HTR2C: variants seen among roughly 807,000 people sequenced by gnomAD.
HTR2C encodes 5-hydroxytryptamine receptor 2C, also known as 5-hydroxytryptamine (serotonin) receptor 2C, G protein-coupled.
HTR2C carries 5 observed loss-of-function variants against 21.0 expected under a neutral mutation model. The observed-to-expected ratio is 0.24, with a 90% CI of 0.12 to 0.50. The LOEUF (loss-of-function observed/expected upper bound fraction) is 0.50, where lower values mean the gene tolerates loss of function less well. Ranked by LOEUF, HTR2C falls within the 20% of genes least tolerant of loss-of-function variation. The pLI is 0.98. For synonymous variants in HTR2C, 150 were observed against 145.3 expected, an observed-to-expected ratio of 1.03 and a Z score of -0.23; for missense variants, 271 against 371.2, an observed-to-expected ratio of 0.73 and a Z score of 2.22.
chrX:114,595,810 CAA>C (rs34336299), intron 1 of HTR2C, among the ~76,000 whole-genome samples: 7 of 107,704 alleles, frequency 6.5e-5, no homozygotes, highest in Non-Finnish European at 9.6e-5. Flanking sequence ...GATTAAAACA[CAA>C]AAAAAAAATC....
chrX:114,871,229 A>G (rs782043205), intron 5 of HTR2C, among the ~76,000 whole-genome samples: 30 of 111,648 alleles, frequency 2.7e-4, no homozygotes, highest in African/African-American at 9.4e-4. Context: ...GTACTTGTAT[A>G]GTTTCCAAAA....
chrX:114,689,951 G>T (rs1556414896), intron 2 of HTR2C, among the ~76,000 whole-genome samples: 1 of 111,011 alleles, frequency 9.0e-6, no homozygotes, highest in African/African-American at 3.3e-5. Flanking sequence ...TCATTTTTTT[G>T]AACTCATTAT....
At chrX:114,733,296 A>G (rs944939437) in intron 4 of HTR2C, among the ~76,000 whole-genome samples, 3 of 109,302 alleles carry the variant, frequency 2.7e-5, no homozygotes, top group South Asian at 4.0e-4. Context: ...TGTAATCCCA[A>G]CTACTCGGGA....
intron 2 of HTR2C, among the ~76,000 whole-genome samples, chrX:114,694,503 ATT>A: frequency 2.3e-5 from 1 of 43,057 alleles, no homozygotes; most frequent in African/African-American, 8.1e-5. Context: ...ACACACACAG[ATT>A]TAGACAGAGT....
chrX:114,633,930 G>A (rs1232627484), intron 2 of HTR2C, among the ~76,000 whole-genome samples: 7 of 31,284 alleles, frequency 2.2e-4, no homozygotes, highest in Admixed American at 6.8e-4. Flanking sequence ...ATATATGCAT[G>A]TGTATATATA....
intron 2 of HTR2C, among the ~76,000 whole-genome samples, chrX:114,685,938 T>A (rs1452547410): frequency 4.5e-5 from 5 of 111,481 alleles, no homozygotes; most frequent in African/African-American, 9.8e-5. Flanking sequence ...TCAGTGAAGC[T>A]TTCATCATTA....
rs1382375750 is a variant in HTR2C, at chrX:114,807,196, A to ATATATACCATG, written c.350-40801_350-40800insCCATGTATATA. On this transcript the variant is annotated intron_variant, in intron 4 of 5. Coordinates refer to ENST00000276198, the MANE Select transcript of HTR2C (RefSeq NM_000868.4). ...TATACACCATGTATATATACACCAT[A>ATATATACCATG]TATATATACACCATATATATACCAT... 4.1e-4 allele frequency among the ~76,000 whole-genome samples: 2 copies of ATATATACCATG among 4,831 alleles called. 1 individual carries two copies. Among genetic ancestry groups the ATATATACCATG allele is most frequent in the Non-Finnish European group, 9.0e-4 (2 of 2,215 alleles). 4.2% of individuals were successfully genotyped at this position (4,831 alleles called of 115,157 possible). A position where few individuals can be genotyped will look rare whatever the true frequency, so the allele number is the denominator to read the frequency against.
intron 2 of HTR2C, among the ~76,000 whole-genome samples, chrX:114,614,230 T>C (rs1171262902): frequency 4.5e-5 from 5 of 110,783 alleles, no homozygotes; most frequent in Non-Finnish European, 7.6e-5. Flanking sequence ...TCTTCTTCAA[T>C]GACAAACTCT....
chrX:114,702,621 G>C (rs782316056), intron 2 of HTR2C, among the ~76,000 whole-genome samples: 1 of 111,572 alleles, frequency 9.0e-6, no homozygotes, highest in South Asian at 3.8e-4. Context: ...AAATTCTAAA[G>C]ACCATCGAGG....
At chrX:114,881,383 G>A (rs1314771009) in intron 5 of HTR2C, among the ~76,000 whole-genome samples, 1 of 110,081 alleles carries the variant, frequency 9.1e-6, no homozygotes, top group East Asian at 2.8e-4. Flanking sequence ...TGTGCTTTTA[G>A]TGTCATATTC....
At chrX:114,688,503 G>A (rs1331487042) in intron 2 of HTR2C, among the ~76,000 whole-genome samples, 1 of 110,937 alleles carries the variant, frequency 9.0e-6, no homozygotes, top group African/African-American at 3.3e-5. Flanking sequence ...TAATTTGTCA[G>A]GTTTAATAAG....
chrX:114,901,480 A>G (rs1337454601), intron 5 of HTR2C, among the ~76,000 whole-genome samples: 1 of 111,852 alleles, frequency 8.9e-6, no homozygotes, highest in Non-Finnish European at 1.9e-5. Flanking sequence ...TAGTTATAAT[A>G]GTGGTAACGT....
chrX:114,819,213 T>C (rs1423967142), intron 4 of HTR2C, among the ~76,000 whole-genome samples: 1 of 112,056 alleles, frequency 8.9e-6, no homozygotes, highest in Non-Finnish European at 1.9e-5. Flanking sequence ...TATTAAATAC[T>C]CCAGTTCTCC....
chrX:114,707,858 A>G lies in HTR2C; in HGVS notation c.-79-19000A>G, dbSNP rs145853995. Reference sequence around the variant, plus strand: ...AGTCTATTCAGTCCTTCTGATTTCAACTTTGCCTATTTACTATATAATAGT... The same window carrying G: ...AGTCTATTCAGTCCTTCTGATTTCAGCTTTGCCTATTTACTATATAATAGT... On this transcript the variant is annotated intron_variant, in intron 2 of 5. Transcript: ENST00000276198. Among the ~76,000 whole-genome samples, 491 of 109,774 alleles carry G rather than the reference A, an allele frequency of 4.5e-3. 4 individuals are homozygous for G. Among genetic ancestry groups the G allele is most frequent in the African/African-American group, 0.016 (483 of 30,320 alleles).
intron 2 of HTR2C, among the ~76,000 whole-genome samples, chrX:114,707,166 A>T (rs1232627117): frequency 8.9e-6 from 1 of 112,014 alleles, no homozygotes; most frequent in African/African-American, 3.2e-5. Context: ...AAATTGAAGA[A>T]CTAATTTAAG....
intron 4 of HTR2C, among the ~76,000 whole-genome samples, chrX:114,809,440 G>A (rs781917322): frequency 6.5e-4 from 68 of 105,081 alleles, no homozygotes; most frequent in African/African-American, 2.3e-3. Flanking sequence ...CTGGAGTGCA[G>A]TGGCGCGATC....
intron 1 of HTR2C, among the ~76,000 whole-genome samples, chrX:114,609,578 T>C (rs782364503): frequency 4.5e-5 from 5 of 111,673 alleles, no homozygotes; most frequent in Non-Finnish European, 9.4e-5. Context: ...CTATTTGACA[T>C]GACACAGTGA....
At chrX:114,703,957 A>G (rs1932663495) in intron 2 of HTR2C, among the ~76,000 whole-genome samples, 1 of 110,699 alleles carries the variant, frequency 9.0e-6, no homozygotes, top group African/African-American at 3.3e-5. Flanking sequence ...TAGAAAATCT[A>G]GAAGAAATGG....
chrX:114,839,785 G>C (rs782783922), intron 4 of HTR2C, among the ~76,000 whole-genome samples: 2 of 111,471 alleles, frequency 1.8e-5, no homozygotes, highest in East Asian at 5.6e-4. Context: ...AGGTGAAGGA[G>C]CACCTAGGAA....
Sources: gnomAD v4.1 joint callset for allele counts (sites outside exome capture counted in the v4.1 genomes callset) on GRCh38, gnomAD v4.1.1 for gene constraint, MANE v1.5 for transcripts, NCBI Gene and HGNC (gene_info 2026-07-23, HGNC 2026-07-21) for gene names.